FHIT: variants seen among roughly 807,000 people sequenced by gnomAD.
FHIT encodes bis(5'-adenosyl)-triphosphatase.
Under a neutral mutation model 17.9 loss-of-function variants are expected in FHIT, and 19 were observed. The ratio of observed to expected loss-of-function variants is 1.06; its 90% CI spans 0.74 to 1.56. FHIT has a LOEUF of 1.56. Ranked by LOEUF, FHIT falls within the 40% of genes most tolerant of loss-of-function variation. The pLI is 0.00. For missense variants in FHIT, 248 were observed against 189.2 expected (o/e 1.31, Z -1.82); for synonymous variants, 81 against 69.7 (o/e 1.16, Z -0.81).
intron 4 of FHIT, among the ~76,000 whole-genome samples, chr3:60,585,704 C>A (rs2734368): frequency 0.88 from 134,110 of 152,018 alleles, 59,416 homozygotes; most frequent in African/African-American, 0.96. Context: ...ACCTTCCGGT[C>A]ATCTATTTTT....
intron 7 of FHIT, among the ~76,000 whole-genome samples, chr3:59,968,891 C>T (rs1220014355): frequency 1.3e-5 from 2 of 152,192 alleles, no homozygotes; most frequent in Non-Finnish European, 2.9e-5. Flanking sequence ...GATGCCAATG[C>T]AGCCTGTGGC....
At chr3:59,763,295 T>G (rs947270025) in intron 8 of FHIT, among the ~76,000 whole-genome samples, 1 of 152,092 alleles carries the variant, frequency 6.6e-6, no homozygotes, top group East Asian at 1.9e-4. Flanking sequence ...GAAAGAAAAA[T>G]CTGCACTACA....
chr3:60,548,254 TAAC>T (rs2036435128), intron 4 of FHIT, among the ~76,000 whole-genome samples: 1 of 152,136 alleles, frequency 6.6e-6, no homozygotes, highest in South Asian at 2.1e-4. Context: ...ACTGAATTAA[TAAC>T]AACTCTGTCA....
At chr3:60,643,111 T>C (rs1162058675) in intron 4 of FHIT, among the ~76,000 whole-genome samples, 1 of 152,174 alleles carries the variant, frequency 6.6e-6, no homozygotes, top group Non-Finnish European at 1.5e-5. Context: ...ATAATCTGGC[T>C]CATAGTAGGC....
intron 5 of FHIT, among the ~76,000 whole-genome samples, chr3:60,204,357 C>T (rs923739888): frequency 6.6e-6 from 1 of 152,106 alleles, no homozygotes; most frequent in African/African-American, 2.4e-5. Context: ...TCAGCCTCCA[C>T]CCCCTGGGCT....
intron 1 of FHIT, among the ~76,000 whole-genome samples, chr3:61,248,476 G>C (rs2040538194): frequency 6.6e-6 from 1 of 152,162 alleles, no homozygotes; most frequent in East Asian, 1.9e-4. Context: ...ATAATTGAAA[G>C]GGCCAATATG....
intron 5 of FHIT, among the ~76,000 whole-genome samples, chr3:60,208,164 C>G (rs1168781646): frequency 6.6e-6 from 1 of 152,184 alleles, no homozygotes; most frequent in Non-Finnish European, 1.5e-5. Flanking sequence ...ACAAGAACTG[C>G]TGACAAAGGC....
chr3:60,071,997 T>A (rs1384523643), intron 5 of FHIT, among the ~76,000 whole-genome samples: 1 of 152,172 alleles, frequency 6.6e-6, no homozygotes, highest in Non-Finnish European at 1.5e-5. Context: ...GAACTGTGAG[T>A]CCGTTAAACC....
chr3:61,167,850 A>T (rs950557860), intron 2 of FHIT, among the ~76,000 whole-genome samples: 4 of 152,190 alleles, frequency 2.6e-5, no homozygotes, highest in Non-Finnish European at 4.4e-5. Flanking sequence ...ACAACTCTGT[A>T]TTTAGGGATC....
At chr3:60,056,785 G>C (rs1702101168) in intron 5 of FHIT, among the ~76,000 whole-genome samples, 1 of 152,224 alleles carries the variant, frequency 6.6e-6, no homozygotes, top group African/African-American at 2.4e-5. Flanking sequence ...AAAGCAGTTT[G>C]AAAGAGGGGC....
At chr3:59,867,453 A>C (rs1372108960) in intron 8 of FHIT, among the ~76,000 whole-genome samples, 17 of 152,128 alleles carry the variant, frequency 1.1e-4, no homozygotes. Flanking sequence ...CTCCCCTTTT[A>C]AGATTTCTCA....
intron 3 of FHIT, among the ~76,000 whole-genome samples, chr3:60,828,401 T>C: frequency 6.6e-6 from 1 of 152,192 alleles, no homozygotes; most frequent in Non-Finnish European, 1.5e-5. Flanking sequence ...CTACATTGTT[T>C]AGTAATTAAT....
intron 5 of FHIT, among the ~76,000 whole-genome samples, chr3:60,472,798 A>C (rs961443909): frequency 6.6e-6 from 1 of 152,182 alleles, no homozygotes; most frequent in African/African-American, 2.4e-5. Context: ...GTGTGTCCCA[A>C]AGCCCCCAAT....
intron 4 of FHIT, among the ~76,000 whole-genome samples, chr3:60,710,022 G>C (rs2041477118): frequency 7.0e-6 from 1 of 142,138 alleles, no homozygotes; most frequent in Non-Finnish European, 1.5e-5. Flanking sequence ...TGATATGTCA[G>C]TACACAGCAG....
intron 5 of FHIT, among the ~76,000 whole-genome samples, chr3:60,225,115 T>C (rs1704134415): frequency 6.6e-6 from 1 of 152,216 alleles, no homozygotes; most frequent in South Asian, 2.1e-4. Context: ...AAGTCCTTCA[T>C]AGCATTTTGT....
chr3:60,253,549 T>C lies in FHIT; in HGVS notation c.104-239397A>G, dbSNP rs1948562. Among the ~76,000 whole-genome samples the C allele has an allele frequency of 7.9e-3, 1,207 of 152,320 alleles. 14 individuals are homozygous for C. The highest frequency in any genetic ancestry group is 0.027 in the African/African-American group (1,141 of 41,576). On this transcript the variant is annotated intron_variant, in intron 5 of 9. Coordinates refer to ENST00000492590, the MANE Select transcript of FHIT (RefSeq NM_002012.4). The stretch of plus-strand genomic sequence containing the variant: ...ATAAGAGAAAACCATCACACCTTTC[T>C]CTCTGTTTTGCAGTCAATGATTTTC...
chr3:60,327,783 C>T (rs1173219306), intron 5 of FHIT, among the ~76,000 whole-genome samples: 1 of 152,132 alleles, frequency 6.6e-6, no homozygotes, highest in Non-Finnish European at 1.5e-5. Context: ...ACTAAATGAC[C>T]TATATTAGGG....
At chr3:61,197,141 T>A (rs2038875322) in intron 2 of FHIT, among the ~76,000 whole-genome samples, 2 of 152,318 alleles carry the variant, frequency 1.3e-5, no homozygotes, top group South Asian at 4.1e-4. Context: ...CAAATTTTCA[T>A]CTGTTTAAGA....
chr3:60,165,480 G>A (rs191754196), intron 5 of FHIT, among the ~76,000 whole-genome samples: 98 of 152,270 alleles, frequency 6.4e-4, no homozygotes, highest in African/African-American at 2.2e-3. Context: ...TGGGGAATCC[G>A]TACAGCTCAT....
Sources: allele counts gnomAD v4.1 joint callset (sites outside exome capture counted in the v4.1 genomes callset), GRCh38; gene constraint gnomAD v4.1.1; transcripts MANE v1.5; gene names NCBI Gene and HGNC (gene_info 2026-07-23, HGNC 2026-07-21).